The following NAV3 variants were observed in gnomAD, a reference collection of about 807,000 sequenced individuals.
NAV3 encodes the protein pore membrane and/or filament interacting like protein 1.
A neutral mutation model predicts 244.7 loss-of-function variants in NAV3; 87 were observed. The observed-to-expected ratio is 0.36, with a 90% confidence interval of 0.30 to 0.42. NAV3 has a LOEUF of 0.42. Among genes scored for constraint, NAV3 ranks in the 20% least tolerant of loss-of-function variants. The pLI is 1.00. For missense variants in NAV3, 2,663 were observed against 2,893.3 expected (o/e 0.92, Z 1.83); for synonymous variants, 1,126 against 1,042.2 (o/e 1.08, Z -1.55).
intron 12 of NAV3, among the ~76,000 whole-genome samples, chr12:78,085,699 T>C (rs1953599591): frequency 6.6e-6 from 1 of 151,966 alleles, no homozygotes; most frequent in Admixed American, 6.6e-5. Flanking sequence ...GGCAGGCAGT[T>C]TGAAATGGAA....
chr12:77,716,486 GA>G (rs989882625), intron 2 of NAV3, among the ~76,000 whole-genome samples: 1 of 151,396 alleles, frequency 6.6e-6, no homozygotes, highest in African/African-American at 2.4e-5. Flanking sequence ...CATGTTTTAT[GA>G]AAAAAATTTT....
chr12:77,906,953 C>CT (rs774095405), intron 1 of NAV3, among the ~76,000 whole-genome samples: 2 of 152,094 alleles, frequency 1.3e-5, no homozygotes, highest in African/African-American at 2.4e-5. Context: ...TTGTTTTTCA[C>CT]TTATTTGCCA....
chr12:77,882,793 A>G (rs1882819869), intron 1 of NAV3, among the ~76,000 whole-genome samples: 3 of 152,210 alleles, frequency 2.0e-5, no homozygotes, highest in African/African-American at 7.2e-5. Flanking sequence ...ACTTCTCAAA[A>G]TAAGACATAC....
intron 1 of NAV3, among the ~76,000 whole-genome samples, chr12:77,907,876 C>T (rs1344987787): frequency 6.6e-6 from 1 of 152,114 alleles, no homozygotes; most frequent in African/African-American, 2.4e-5. Context: ...TTCTTGTCTA[C>T]ATAACGTTAC....
rs141897482 is a variant in NAV3, at chr12:77,950,065, G to A, written c.414+8932G>A. Among the ~76,000 whole-genome samples the A allele has an allele frequency of 1.1e-3, 168 of 152,160 alleles. No individual in the cohort carries two copies. The East Asian group carries it at 0.017, about 15-fold the overall frequency. On this transcript the variant is annotated intron_variant, in intron 3 of 39. Transcript: ENST00000397909. ...ACCACAGTTTATCCATTCAGCTACTGATGAACATCTTAGTTGCTTCCAAGT... is the reference window on the plus strand; with the variant it reads ...ACCACAGTTTATCCATTCAGCTACTAATGAACATCTTAGTTGCTTCCAAGT...
At chr12:77,939,975 A>C (rs931893824) in intron 1 of NAV3, among the ~76,000 whole-genome samples, 1 of 152,184 alleles carries the variant, frequency 6.6e-6, no homozygotes, top group African/African-American at 2.4e-5. Context: ...TTACATGAAC[A>C]AGCAAGATTG....
intron 1 of NAV3, among the ~76,000 whole-genome samples, chr12:77,914,959 C>T (rs1886980625): frequency 6.6e-6 from 1 of 151,730 alleles, no homozygotes; most frequent in Non-Finnish European, 1.5e-5. Context: ...CCAAATGCAG[C>T]TCCATTAATT....
intron 9 of NAV3, among the ~76,000 whole-genome samples, chr12:78,044,214 C>T (rs2137123766): frequency 6.6e-6 from 1 of 152,224 alleles, no homozygotes; most frequent in South Asian, 2.1e-4. Context: ...TTGTGTGTGT[C>T]AGGTTTGTCA....
intron 23 of NAV3, among the ~76,000 whole-genome samples, chr12:78,164,877 G>A (rs12369393): frequency 0.071 from 10,875 of 152,098 alleles, 733 homozygotes; most frequent in East Asian, 0.21. Context: ...CACTTGATGA[G>A]ATTGTCCCAA....
chr12:78,091,795 C>CAAAAAAAAAAAAAAAAAAAA (rs57863867), intron 12 of NAV3: 42 of 103,808 alleles, frequency 4.0e-4, no homozygotes, highest in Admixed American at 1.0e-3. Context: ...GACTCCGTCT[C>CAAAAAAAAAAAAAAAAAAAA]AAAAAAAAAA....
At chr12:78,043,082 T>C (rs1439620354) in intron 9 of NAV3, among the ~76,000 whole-genome samples, 1 of 152,104 alleles carries the variant, frequency 6.6e-6, no homozygotes, top group African/African-American at 2.4e-5. Context: ...TCCCTCCCCT[T>C]GATCCCCCCA....
intron 2 of NAV3, among the ~76,000 whole-genome samples, chr12:77,738,976 C>T (rs1205758807): frequency 7.8e-6 from 1 of 128,056 alleles, no homozygotes; most frequent in East Asian, 2.5e-4. Flanking sequence ...CGCGCTACTG[C>T]ACTCCAGCAT....
intron 1 of NAV3, among the ~76,000 whole-genome samples, chr12:77,900,920 C>T (rs1302448468): frequency 1.3e-5 from 2 of 152,120 alleles, no homozygotes; most frequent in Non-Finnish European, 2.9e-5. Flanking sequence ...TTCATAATAG[C>T]CATTCTGGCT....
chr12:77,581,927 G>A (rs1869384459), intron 2 of NAV3, among the ~76,000 whole-genome samples: 1 of 152,092 alleles, frequency 6.6e-6, no homozygotes, highest in African/African-American at 2.4e-5. Context: ...CTTGTCCTTT[G>A]CATAACAGTG....
At chr12:78,085,862 G>T (rs1416459110) in intron 12 of NAV3, among the ~76,000 whole-genome samples, 1 of 152,096 alleles carries the variant, frequency 6.6e-6, no homozygotes, top group Non-Finnish European at 1.5e-5. Context: ...TGAGTAAAAT[G>T]CATCTTGATA....
At chr12:77,654,563 A>C (rs1455468331) in intron 2 of NAV3, among the ~76,000 whole-genome samples, 3 of 152,182 alleles carry the variant, frequency 2.0e-5, no homozygotes, top group Non-Finnish European at 4.4e-5. Flanking sequence ...TAACCTCTGC[A>C]GACTTAAATG....
intron 1 of NAV3, among the ~76,000 whole-genome samples, chr12:77,920,051 C>T (rs375177821): frequency 2.6e-5 from 4 of 152,006 alleles, no homozygotes; most frequent in African/African-American, 7.2e-5. Flanking sequence ...TGAAATATAG[C>T]ATGGTGTTAA....
intron 1 of NAV3, among the ~76,000 whole-genome samples, chr12:77,865,541 G>T (rs1279234040): frequency 1.3e-5 from 2 of 151,932 alleles, no homozygotes; most frequent in African/African-American, 4.8e-5. Context: ...AATCTATGTG[G>T]TTACTGCTGT....
chr12:77,622,706 A>G (rs1428213506), intron 2 of NAV3, among the ~76,000 whole-genome samples: 3 of 152,062 alleles, frequency 2.0e-5, no homozygotes, highest in Non-Finnish European at 4.4e-5. Flanking sequence ...TATATTAATC[A>G]CTGTGAACCA....
Sources: gnomAD v4.1 joint callset for allele counts (sites outside exome capture counted in the v4.1 genomes callset) on GRCh38, gnomAD v4.1.1 for gene constraint, MANE v1.5 for transcripts, NCBI Gene and HGNC (gene_info 2026-07-23, HGNC 2026-07-21) for gene names.